The following NEB variants were observed in gnomAD, a reference collection of about 807,000 sequenced individuals.
NEB encodes the protein nemaline myopathy type 2.
A neutral mutation model predicts 952.2 loss-of-function variants in NEB; 512 were observed. That is an observed-to-expected ratio of 0.54 (90% confidence interval 0.50 to 0.58). The LOEUF is 0.58. Ranked by LOEUF, NEB falls within the 20% of genes least tolerant of loss-of-function variation. NEB has a pLI of 0.00. For missense variants in NEB, 8,428 were observed against 9,231.1 expected, an observed-to-expected ratio of 0.91 and a Z score of 3.56; for synonymous variants, 2,900 against 3,149.8, an observed-to-expected ratio of 0.92 and a Z score of 2.66.
At chr2:151,494,307 C>A in intron 173 of NEB, 54 bp from the exon 174 acceptor site, 1 of 1,220,434 alleles carries the variant, frequency 8.2e-7, no homozygotes, top group South Asian at 1.4e-5. Context: ...TTAACAGTTA[C>A]CAAAAAAGGA....
Position 151,559,840 on chromosome 2 carries a change from G to C in NEB, c.19314+752C>G, listed in dbSNP as rs536004370. On this transcript the variant is annotated intron_variant, in intron 124 of 181. Transcript: ENST00000397345. Reference sequence around the variant, plus strand: ...AGCATTAGGAGAAATACCTAATGTAGATGATGGGTTGATGGGTGCAGCAAA... The same window carrying C: ...AGCATTAGGAGAAATACCTAATGTACATGATGGGTTGATGGGTGCAGCAAA... Among the ~76,000 whole-genome samples the C allele has an allele frequency of 8.9e-4, 136 of 152,260 alleles. 3 individuals are homozygous for C. The South Asian group carries it at 0.025, about 28-fold the overall frequency.
chr2:151,519,519 G>A (rs1559481480), intron 154 of NEB, 139 bp downstream of exon 154: 1 of 675,194 alleles, frequency 1.5e-6, no homozygotes, highest in East Asian at 2.7e-5. Context: ...AGTTTCTGTT[G>A]GTATGAAAAC....
chr2:151,623,508 C>A lies in NEB; in HGVS notation c.10452+2026G>T, dbSNP rs182036549. Among the ~76,000 whole-genome samples, 7 of 152,166 alleles carry A rather than the reference C, an allele frequency of 4.6e-5. No individual in the cohort carries two copies. In the East Asian group the frequency reaches 1.2e-3, roughly 25 times the overall value. ...ATTAGATTGAATTAAGGATACCGGA[C>A]TAGTATCTGGATTTTAAATATGCTA... On this transcript the variant is annotated intron_variant, in intron 71 of 181. Transcript: ENST00000397345.
intron 47 of NEB, 119 bp from the exon 48 acceptor site, chr2:151,658,209 G>T: frequency 1.5e-6 from 1 of 667,214 alleles, no homozygotes; most frequent in South Asian, 1.9e-5. Context: ...ATGCTTCGTT[G>T]GTGCTTCAGT....
chr2:151,703,979 A>T (rs1265311193), intron 13 of NEB, among the ~76,000 whole-genome samples: 2 of 130,392 alleles, frequency 1.5e-5, no homozygotes, highest in East Asian at 4.5e-4. Flanking sequence ...TTTTTTCCCC[A>T]TCTTTGTGGT....
At chr2:151,634,079 A>T (rs1192013778) in intron 64 of NEB, 114 bp from the exon 65 acceptor site, 1 of 1,201,194 alleles carries the variant, frequency 8.3e-7, no homozygotes, top group African/African-American at 1.5e-5. Flanking sequence ...AACAAGTACT[A>T]ACTCAAGCCA....
In NEB at chr2:151,665,412, G is replaced by A. The variant is rs2099202766; in HGVS notation, c.5159C>T (p.Pro1720Leu). The A allele has an allele frequency of 1.9e-6, 3 of 1,613,578 alleles. No individual in the cohort carries two copies. The highest frequency in any genetic ancestry group is 2.5e-6 in the Non-Finnish European group (3 of 1,179,802). ...GGCGTAAGTGAACTTCAGCTTCTCG[G>A]GGTGCTGGCGATACTTCTTCTCACT... is the stretch of plus-strand genomic sequence containing the variant. Reference protein sequence around the residue: ...ILSEKKYRQHPEKLKFTYAMD... With the variant: ...ILSEKKYRQHLEKLKFTYAMD... The change falls in exon 42 of 182, where the codon CCC (proline) becomes CTC (leucine). Residue 1720 changes from proline (P) to leucine (L), a missense_variant. Physicochemically the swap from Pro to Leu is moderately conservative, Grantham distance 98 (BLOSUM62 -3). Transcript: ENST00000397345.
At chr2:151,570,929 A>G (rs926323156) in intron 107 of NEB, among the ~76,000 whole-genome samples, 4 of 152,208 alleles carry the variant, frequency 2.6e-5, no homozygotes, top group African/African-American at 9.6e-5. Context: ...ACAATGGGTA[A>G]TAGTCACATG....
intron 117 of NEB, 54 bp downstream of exon 117, chr2:151,564,990 C>G: frequency 9.2e-7 from 1 of 1,084,536 alleles, no homozygotes; most frequent in Non-Finnish European, 1.4e-6. Context: ...AATATGAATG[C>G]AACAAGAGCT....
At position 151,526,701 on chromosome 2, in the gene NEB, T is replaced by C. The variant is rs147208822; in HGVS notation, c.21945+217A>G. Among the ~76,000 whole-genome samples the C allele has an allele frequency of 1.6e-3, 243 of 152,316 alleles. 1 individual carries two copies. The highest frequency in any genetic ancestry group is 5.6e-3 in the African/African-American group (233 of 41,550). ...GTGTGAACTCTCTGCTGGTGCAGTA[T>C]AAATCGAGGACTGTCACCTGGATCT... On this transcript the variant is annotated intron_variant, in intron 148 of 181. Coordinates refer to ENST00000397345, the MANE Select transcript of NEB (RefSeq NM_001164508.2).
intron 124 of NEB, among the ~76,000 whole-genome samples, chr2:151,559,252 C>T (rs1385605617): frequency 1.2e-4 from 19 of 152,148 alleles, no homozygotes; most frequent in African/African-American, 4.3e-4. Flanking sequence ...TACCATCTCA[C>T]GCCAGTTAGA....
intron 10 of NEB, among the ~76,000 whole-genome samples, chr2:151,711,015 T>C (rs1577303940): frequency 6.6e-6 from 1 of 152,178 alleles, no homozygotes; most frequent in Admixed American, 6.5e-5. Context: ...CCTTTAGAGT[T>C]AAATTTAATA....
At chr2:151,493,596 T>G (rs553510261) in intron 175 of NEB, among the ~76,000 whole-genome samples, 151 bp from the exon 176 acceptor site, 1 of 152,326 alleles carries the variant, frequency 6.6e-6, no homozygotes, top group Admixed American at 6.5e-5. Flanking sequence ...AGCAAAAGTT[T>G]AAGAAAGAAG....
intron 9 of NEB, among the ~76,000 whole-genome samples, chr2:151,721,706 G>A (rs1035628104): frequency 1.3e-5 from 2 of 152,188 alleles, no homozygotes; most frequent in African/African-American, 2.4e-5. Flanking sequence ...CCTGCCAGGT[G>A]TGCATGCATA....
chr2:151,623,594 T>G (rs944049503), intron 71 of NEB, among the ~76,000 whole-genome samples: 68 of 152,160 alleles, frequency 4.5e-4, no homozygotes, highest in Non-Finnish European at 1.2e-4. Flanking sequence ...GGGTCACTAT[T>G]ATGTTTATAA....
At chr2:151,501,588 A>C (rs1211215375) in intron 167 of NEB, 105 bp from the exon 168 acceptor site, 1 of 541,144 alleles carries the variant, frequency 1.8e-6, no homozygotes, top group African/African-American at 1.9e-5. Context: ...TGTTGTTTTT[A>C]TGATGAAGTA....
In NEB at chr2:151,630,785, G is replaced by T; in HGVS notation, c.9653C>A (p.Thr3218Asn). ...LYTEAWDKDK[T>N]QIHIMPDTPE... ...TGTATCAGGCATTATGTGAATTTGA[G>T]TCTTGTCTTTGTCCCAGGCCTCTGT... The change falls in exon 67 of 182, where the codon ACT (threonine) becomes AAT (asparagine). Residue 3218 changes from threonine to asparagine, a missense_variant. Around this residue, in one of 11 missense-constraint regions of NEB, gnomAD observed 1,772 missense variants for 1,960.3 expected, o/e 0.90. Coordinates refer to ENST00000397345, the MANE Select transcript of NEB (RefSeq NM_001164508.2). 6.2e-7 allele frequency: 1 copy of T among 1,611,486 alleles called. No individual in the cohort carries two copies. The highest frequency in any genetic ancestry group is 8.5e-7 in the Non-Finnish European group (1 of 1,178,626).
intron 24 of NEB, chr2:151,689,914 C>T (rs2099534522): frequency 6.6e-6 from 1 of 152,170 alleles, no homozygotes; most frequent in Non-Finnish European, 1.5e-5. Flanking sequence ...TAATTTGTGT[C>T]ATTAAAATAT....
intron 145 of NEB, among the ~76,000 whole-genome samples, chr2:151,529,616 C>T (rs564889467): frequency 7.2e-5 from 11 of 152,004 alleles, no homozygotes; most frequent in South Asian, 2.1e-4. Flanking sequence ...CTGCAACCTC[C>T]GCCTCCCAGG....
Sources: allele counts gnomAD v4.1 joint callset (sites outside exome capture counted in the v4.1 genomes callset), GRCh38; gene constraint gnomAD v4.1.1; regional missense constraint gnomAD v4.1.1; transcripts MANE v1.5; gene names NCBI Gene and HGNC (gene_info 2026-07-23, HGNC 2026-07-21).